Variants in PDE3A observed in about 807,000 individuals in gnomAD.
PDE3A encodes the protein cGMP-inhibited 3',5'-cyclic phosphodiesterase 3A.
PDE3A carries 43 observed loss-of-function variants against 98.3 expected under a neutral mutation model. The ratio of observed to expected loss-of-function variants is 0.44; its 90% CI spans 0.34 to 0.56. The LOEUF (loss-of-function observed/expected upper bound fraction) is 0.56. Among genes scored for constraint, PDE3A ranks in the 20% least tolerant of loss-of-function variants. The pLI, the probability that PDE3A is intolerant of heterozygous loss-of-function variation, is 0.01. For missense variants in PDE3A, 1,427 were observed against 1,440.7 expected (o/e 0.99, Z 0.15); for synonymous variants, 663 against 567.9 (o/e 1.17, Z -2.38).
chr12:20,535,409 T>A (rs59143079), intron 1 of PDE3A, among the ~76,000 whole-genome samples: 43,718 of 152,066 alleles, frequency 0.29, 7,307 homozygotes, highest in East Asian at 0.59. Flanking sequence ...GAGTAAGAGT[T>A]AGTGTTTCAA....
At chr12:20,609,637 G>T (rs1943798708) in intron 2 of PDE3A, among the ~76,000 whole-genome samples, 1 of 151,938 alleles carries the variant, frequency 6.6e-6, no homozygotes, top group Non-Finnish European at 1.5e-5. Context: ...TACACTTTCT[G>T]ATTTACAACT....
At chr12:20,668,576 C>T (rs562196814) in intron 15 of PDE3A, among the ~76,000 whole-genome samples, 65 of 152,298 alleles carry the variant, frequency 4.3e-4, no homozygotes, top group African/African-American at 1.5e-3. Flanking sequence ...GAGGCACCCC[C>T]CAGTAGAGGA....
intron 6 of PDE3A, among the ~76,000 whole-genome samples, chr12:20,632,984 T>C (rs1944416877): frequency 7.2e-6 from 1 of 139,490 alleles, no homozygotes; most frequent in Non-Finnish European, 1.5e-5. Context: ...GGAGTCTTGC[T>C]CTGTTACCCA....
chr12:20,594,112 G>C (rs1026495969), intron 2 of PDE3A, among the ~76,000 whole-genome samples: 2 of 152,062 alleles, frequency 1.3e-5, no homozygotes. Flanking sequence ...CTCTTTAAGG[G>C]CTTTCAAAAT....
intron 1 of PDE3A, among the ~76,000 whole-genome samples, chr12:20,537,405 A>C (rs1007845074): frequency 6.6e-6 from 1 of 152,104 alleles, no homozygotes; most frequent in Admixed American, 6.6e-5. Context: ...GCTTATTTTT[A>C]AAACAAAATC....
rs570621927 is a variant in PDE3A, at chr12:20,635,039, G to A, written c.1984G>A (p.Glu662Lys). Residue 662 changes from glutamate (E) to lysine (K), a missense_variant, in exon 8 of 16, where the codon GAG (glutamate) becomes AAG (lysine). Around this residue, in one of 3 missense-constraint regions of PDE3A, gnomAD observed 1,012 missense variants for 886.5 expected, o/e 1.14. Transcript: ENST00000359062. Reference protein sequence around the residue: ...KASACSTYAPETMMFLDKPIL... With the variant: ...KASACSTYAPKTMMFLDKPIL... ...ATCGGCTTGCAGCACCTATGCTCCT[G>A]AGACCATGATGTTTCTGGTAGTCCC... 6 of 1,612,994 alleles carry A rather than the reference G, an allele frequency of 3.7e-6. No homozygotes were observed. The East Asian group carries it at 1.1e-4, about 30-fold the overall frequency.
At chr12:20,581,058 T>A (rs1346084778) in intron 2 of PDE3A, among the ~76,000 whole-genome samples, 1 of 152,210 alleles carries the variant, frequency 6.6e-6, no homozygotes, top group Non-Finnish European at 1.5e-5. Context: ...AAACAACCTT[T>A]CTTACAATGA....
chr12:20,634,414 A>T (rs1247276492), intron 7 of PDE3A, among the ~76,000 whole-genome samples: 1 of 152,186 alleles, frequency 6.6e-6, no homozygotes, highest in African/African-American at 2.4e-5. Context: ...ACAGATGAGG[A>T]AGGAAGCCAC....
intron 14 of PDE3A, among the ~76,000 whole-genome samples, chr12:20,652,837 C>G (rs1291779333): frequency 6.6e-6 from 1 of 152,180 alleles, no homozygotes; most frequent in Non-Finnish European, 1.5e-5. Context: ...GGGATCTCAT[C>G]AAACTAAAGA....
At chr12:20,537,175 T>A (rs1437414208) in intron 1 of PDE3A, among the ~76,000 whole-genome samples, 1 of 152,146 alleles carries the variant, frequency 6.6e-6, no homozygotes, top group Non-Finnish European at 1.5e-5. Context: ...TCTTCTCATG[T>A]ACTTGATGAC....
At chr12:20,461,236 GAAAAA>G (rs67508401) in intron 1 of PDE3A, among the ~76,000 whole-genome samples, 217 of 98,482 alleles carry the variant, frequency 2.2e-3, no homozygotes, top group African/African-American at 8.5e-3. Flanking sequence ...GTGTTTGTCA[GAAAAA>G]AAAAAAAAAA....
At chr12:20,391,908 A>C (rs1943922644) in intron 1 of PDE3A, among the ~76,000 whole-genome samples, 1 of 151,858 alleles carries the variant, frequency 6.6e-6, no homozygotes. Context: ...TAATTTGTGA[A>C]CCTTTTTTAC....
At chr12:20,547,643 A>T (rs1192390696) in intron 1 of PDE3A, among the ~76,000 whole-genome samples, 1 of 151,924 alleles carries the variant, frequency 6.6e-6, no homozygotes, top group African/African-American at 2.4e-5. Flanking sequence ...CATATCTAAA[A>T]CTTCTCACCT....
At chr12:20,446,757 G>C (rs1330615758) in intron 1 of PDE3A, among the ~76,000 whole-genome samples, 1 of 152,150 alleles carries the variant, frequency 6.6e-6, no homozygotes, top group Non-Finnish European at 1.5e-5. Flanking sequence ...AAAGCAGACC[G>C]AGTGTTATCT....
intron 2 of PDE3A, among the ~76,000 whole-genome samples, chr12:20,597,248 G>A (rs1382676586): frequency 6.6e-6 from 1 of 152,120 alleles, no homozygotes; most frequent in African/African-American, 2.4e-5. Context: ...AAACCAGTAA[G>A]CAAGAAGGAA....
intron 1 of PDE3A, among the ~76,000 whole-genome samples, chr12:20,547,825 G>A (rs1433954939): frequency 6.6e-6 from 1 of 151,888 alleles, no homozygotes; most frequent in East Asian, 1.9e-4. Flanking sequence ...AAACATGAAA[G>A]CAAAATATTT....
rs144495068 is a variant in PDE3A, at chr12:20,627,233, G to A, written c.1541-2675G>A. Among the ~76,000 whole-genome samples, 555 of 150,384 alleles carry A rather than the reference G, an allele frequency of 3.7e-3. 3 individuals carry two copies. Among genetic ancestry groups the A allele is most frequent in the African/African-American group, 0.013 (516 of 41,038 alleles). ...CAGCTAAGGAATTGCCTAACACAGT[G>A]TCTATCAGGAATCTCTTTTTCTTAT... On this transcript the variant is annotated intron_variant, in intron 5 of 15. Coordinates refer to ENST00000359062, the MANE Select transcript of PDE3A (RefSeq NM_000921.5).
chr12:20,503,420 G>T (rs188673318), intron 1 of PDE3A, among the ~76,000 whole-genome samples: 1 of 151,940 alleles, frequency 6.6e-6, no homozygotes, highest in Non-Finnish European at 1.5e-5. Flanking sequence ...AGCTACAGAG[G>T]TTGAAACTCT....
chr12:20,563,827 A>G (rs1373563002), intron 2 of PDE3A, among the ~76,000 whole-genome samples: 1 of 152,120 alleles, frequency 6.6e-6, no homozygotes, highest in African/African-American at 2.4e-5. Flanking sequence ...TATCTTCTCC[A>G]TTAGGTCTTC....
Sources: gnomAD v4.1 joint callset for allele counts (sites outside exome capture counted in the v4.1 genomes callset) on GRCh38, gnomAD v4.1.1 for gene constraint, gnomAD v4.1.1 regional missense constraint, MANE v1.5 for transcripts, NCBI Gene and HGNC (gene_info 2026-07-23, HGNC 2026-07-21) for gene names.